The following CACNA1E variants were observed in gnomAD, a reference collection of about 807,000 sequenced individuals.
The protein encoded by CACNA1E is calcium voltage-gated channel subunit alpha1 E.
In CACNA1E, 40 loss-of-function variants were observed where a neutral mutation model predicts 259.2. That is an observed-to-expected ratio of 0.15 (90% CI 0.12 to 0.20). The LOEUF is 0.20. Among genes scored for constraint, CACNA1E ranks in the 10% least tolerant of loss-of-function variants. The probability of loss-of-function intolerance (pLI) is 1.00; values close to 1 mark genes in which losing one functional copy is unlikely to be tolerated. For synonymous variants in CACNA1E, 1,104 were observed against 1,138.5 expected (o/e 0.97, Z 0.61); for missense variants, 1,874 against 3,040.1 (o/e 0.62, Z 9.02).
At chr1:181,795,114 A>C in intron 46 of CACNA1E, 70 bp downstream of exon 46, 1 of 1,294,586 alleles carries the variant, frequency 7.7e-7, no homozygotes, top group Non-Finnish European at 1.1e-6. Flanking sequence ...CTTACTCTCC[A>C]AGGACTGTAG....
At chr1:181,381,992 C>T (rs938451713) in intron 1 of CACNA1E, among the ~76,000 whole-genome samples, 1 of 152,058 alleles carries the variant, frequency 6.6e-6, no homozygotes, top group African/African-American at 2.4e-5. Flanking sequence ...GAGGTGAGAG[C>T]AGAAGGCAGG....
At chr1:181,528,451 C>T (rs1667528308) in intron 3 of CACNA1E, among the ~76,000 whole-genome samples, 2 of 152,066 alleles carry the variant, frequency 1.3e-5, no homozygotes, top group South Asian at 4.2e-4. Flanking sequence ...AGGGGTGTTG[C>T]TGAAAAGATA....
At chr1:181,342,357 T>C (rs1440897439) in intron 1 of CACNA1E, among the ~76,000 whole-genome samples, 2 of 152,194 alleles carry the variant, frequency 1.3e-5, no homozygotes, top group Admixed American at 1.3e-4. Flanking sequence ...CTCTGATCTA[T>C]GTTTAAGACT....
At chr1:181,660,581 G>C (rs1292176722) in intron 7 of CACNA1E, among the ~76,000 whole-genome samples, 1 of 152,190 alleles carries the variant, frequency 6.6e-6, no homozygotes, top group Non-Finnish European at 1.5e-5. Flanking sequence ...TATAACTTCA[G>C]TGTTAAACCT....
At chr1:181,578,524 G>A (rs1458448451) in intron 4 of CACNA1E, among the ~76,000 whole-genome samples, 4 of 152,170 alleles carry the variant, frequency 2.6e-5, no homozygotes, top group Admixed American at 6.5e-5. Flanking sequence ...CCAAGATCAC[G>A]CCACTGCACT....
chr1:181,497,975 CG>C (rs1467617002), intron 1 of CACNA1E, among the ~76,000 whole-genome samples: 4 of 152,172 alleles, frequency 2.6e-5, no homozygotes, highest in South Asian at 2.1e-4. Context: ...GTCTTTCCCC[CG>C]CCAAAACTCC....
At chr1:181,468,660 C>T (rs1161293346) in intron 2 of CACNA1E, among the ~76,000 whole-genome samples, 1 of 152,098 alleles carries the variant, frequency 6.6e-6, no homozygotes, top group Non-Finnish European at 1.5e-5. Context: ...ACATAAAGTG[C>T]CAGCAGTACT....
At chr1:181,426,954 T>TCC (rs1659315830) in intron 2 of CACNA1E, among the ~76,000 whole-genome samples, 1 of 144,480 alleles carries the variant, frequency 6.9e-6, no homozygotes. Context: ...CTCAACCCCT[T>TCC]CACAACTCAA....
chr1:181,564,741 T>A (rs527774929), intron 3 of CACNA1E, among the ~76,000 whole-genome samples: 2 of 152,246 alleles, frequency 1.3e-5, no homozygotes, highest in Non-Finnish European at 2.9e-5. Flanking sequence ...ATTTCTTAAA[T>A]AGTATGACTT....
chr1:181,449,094 A>G (rs1278377168), intron 2 of CACNA1E, among the ~76,000 whole-genome samples: 2 of 152,228 alleles, frequency 1.3e-5, no homozygotes, highest in African/African-American at 2.4e-5. Context: ...GCAGGGCCAC[A>G]TCTGGAGGCC....
Position 181,803,711 on chromosome 1 carries a change from G to T in CACNA1E, c.*4877G>T, listed in dbSNP as rs1222196898. 1 of 152,212 alleles carries T rather than the reference G, an allele frequency of 6.6e-6. No homozygotes were observed. The highest frequency in any genetic ancestry group is 2.4e-5 in the African/African-American group (1 of 41,436). 9.4% of individuals were successfully genotyped at this position (152,212 alleles called of 1,614,324 possible). ...ACAGAACTATCTTTGCTTTCCGGAG[G>T]CCATCTTTTTCTTTCCTTGAATCCT... On this transcript the variant is annotated 3_prime_UTR_variant, in exon 48 of 48. Coordinates refer to ENST00000367573, the MANE Select transcript of CACNA1E (RefSeq NM_001205293.3).
Position 181,719,667 on chromosome 1 carries a change from G to C in CACNA1E, c.1639-84G>C, listed in dbSNP as rs73043479. The C allele has an allele frequency of 5.4e-3, 3,425 of 639,152 alleles. 69 individuals carry two copies. Among genetic ancestry groups the C allele is most frequent in the African/African-American group, 0.047 (2,568 of 54,694 alleles). The allele number at this position is 639,152 out of a possible 1,614,324, so 39.6% of individuals were successfully genotyped here. Reference sequence around the variant, plus strand: ...TTTATTTCCCCATCCCCCACTGAGAGCTGTTGATGGTGTGCTGGGCGCTAG... The same window carrying C: ...TTTATTTCCCCATCCCCCACTGAGACCTGTTGATGGTGTGCTGGGCGCTAG... On this transcript the variant is annotated intron_variant, in intron 12 of 47. Coordinates refer to ENST00000367573, the MANE Select transcript of CACNA1E (RefSeq NM_001205293.3).
chr1:181,563,484 T>A (rs995914902), intron 3 of CACNA1E, among the ~76,000 whole-genome samples: 1 of 152,154 alleles, frequency 6.6e-6, no homozygotes, highest in Non-Finnish European at 1.5e-5. Context: ...TAGAATTTTA[T>A]TGCTTGGGTT....
At chr1:181,346,291 C>T (rs1254232795) in intron 1 of CACNA1E, among the ~76,000 whole-genome samples, 1 of 152,240 alleles carries the variant, frequency 6.6e-6, no homozygotes, top group Non-Finnish European at 1.5e-5. Context: ...CAATACATTT[C>T]TCTGCTGTAG....
At chr1:181,484,260 G>C (rs1421003920) in intron 1 of CACNA1E, among the ~76,000 whole-genome samples, 1 of 152,190 alleles carries the variant, frequency 6.6e-6, no homozygotes, top group Non-Finnish European at 1.5e-5. Context: ...GTCCCTGGGT[G>C]CATCCCTTTC....
intron 17 of CACNA1E, 104 bp downstream of exon 17, chr1:181,724,641 C>A: frequency 1.1e-6 from 1 of 880,164 alleles, no homozygotes; most frequent in Non-Finnish European, 1.8e-6. Context: ...CTCAGGCCTG[C>A]CAGGAAGGCC....
chr1:181,364,135 T>C (rs1654090901), intron 1 of CACNA1E, among the ~76,000 whole-genome samples: 1 of 152,248 alleles, frequency 6.6e-6, no homozygotes, highest in Non-Finnish European at 1.5e-5. Flanking sequence ...CCCGTGACTC[T>C]GATTGGCTCC....
chr1:181,423,720 GA>G (rs1390803576), intron 2 of CACNA1E, among the ~76,000 whole-genome samples: 11 of 142,430 alleles, frequency 7.7e-5, no homozygotes, highest in African/African-American at 3.0e-4. Context: ...CAGATCTAGT[GA>G]GACTAAGTGG....
chr1:181,726,823 G>A (rs1313302433), intron 18 of CACNA1E, among the ~76,000 whole-genome samples: 1 of 152,138 alleles, frequency 6.6e-6, no homozygotes, highest in East Asian at 1.9e-4. Context: ...GAGAGGTAAT[G>A]GGGGTTTAGA....
Sources: allele counts gnomAD v4.1 joint callset (sites outside exome capture counted in the v4.1 genomes callset), GRCh38; gene constraint gnomAD v4.1.1; transcripts MANE v1.5; gene names NCBI Gene and HGNC (gene_info 2026-07-23, HGNC 2026-07-21).